KCNT1: variants seen among roughly 807,000 people sequenced by gnomAD.
KCNT1 encodes the protein potassium channel subfamily T member 1.
In KCNT1, 78 loss-of-function variants were observed where a neutral mutation model predicts 147.8. The ratio of observed to expected loss-of-function variants is 0.53; its 90% CI spans 0.44 to 0.64. The LOEUF (loss-of-function observed/expected upper bound fraction) is 0.64, where lower values mean the gene tolerates loss of function less well. Among genes scored for constraint, KCNT1 ranks in the 30% least tolerant of loss-of-function variants. The pLI is 0.00. For missense variants in KCNT1, 1,419 were observed against 1,750.3 expected, an observed-to-expected ratio of 0.81 and a Z score of 3.38; for synonymous variants, 867 against 748.8, an observed-to-expected ratio of 1.16 and a Z score of -2.58.
Position 135,702,240 on chromosome 9 carries a change from GT to G in KCNT1, c.-18del. 6.3e-7 allele frequency: 1 copy of G among 1,589,936 alleles called. No homozygotes were observed. Among genetic ancestry groups the G allele is most frequent in the Non-Finnish European group, 8.6e-7 (1 of 1,161,154 alleles). Reference sequence around the variant, plus strand: ...CCCACTCGCTTCTCCCTCGGGTCGGGTCCGAGCTGCCAGGCCGCATGCCACT... The same window carrying G: ...CCCACTCGCTTCTCCCTCGGGTCGGGCCGAGCTGCCAGGCCGCATGCCACT... On this transcript the variant is annotated 5_prime_UTR_variant, in exon 1 of 31. Transcript: ENST00000371757.
chr9:135,764,334 C>T (rs1832111130), intron 11 of KCNT1, among the ~76,000 whole-genome samples: 1 of 152,136 alleles, frequency 6.6e-6, no homozygotes. Context: ...TGGTGATGCA[C>T]CTAGAATCCC....
intron 19 of KCNT1, among the ~76,000 whole-genome samples, chr9:135,774,960 G>A (rs935165751): frequency 9.2e-5 from 14 of 152,100 alleles, no homozygotes; most frequent in Non-Finnish European, 1.5e-4. Context: ...CCCAGCCCTG[G>A]CCTTGCAGCC....
chr9:135,736,889 A>AG (rs919001402), intron 2 of KCNT1: 2 of 280,594 alleles, frequency 7.1e-6, no homozygotes, highest in East Asian at 5.4e-5. Context: ...AGCCCGGGGA[A>AG]GGGGGGAGGC....
chr9:135,766,839 T>G (rs1294226615), intron 13 of KCNT1: 1 of 152,204 alleles, frequency 6.6e-6, no homozygotes, highest in African/African-American at 2.4e-5. Context: ...GAGCTCCACC[T>G]TCCCCTGCTC....
In KCNT1 at chr9:135,757,218, C is replaced by T. The variant is rs1207683087; in HGVS notation, c.663C>T (p.Pro221=). The change falls in exon 8 of 31, where the codon CCC becomes CCT. Residue 221 remains proline, a synonymous_variant. Coordinates refer to ENST00000371757, the MANE Select transcript of KCNT1 (RefSeq NM_020822.3). ...TCCTGGAGATGATCAACACTCTGCC[C>T]TTCATCATCACGGTGGGTGAGCCCC... is the stretch of plus-strand genomic sequence containing the variant. The part of the protein sequence containing the change: ...SFVLEMINTL[P]FIITIFWPPL... 2 of 1,612,782 alleles carry T rather than the reference C, an allele frequency of 1.2e-6. No homozygotes were observed. The highest frequency in any genetic ancestry group is 1.7e-5 in the Admixed American group (1 of 59,964).
At chr9:135,718,230 C>T (rs964998327) in intron 2 of KCNT1, among the ~76,000 whole-genome samples, 1 of 152,224 alleles carries the variant, frequency 6.6e-6, no homozygotes, top group Non-Finnish European at 1.5e-5. Flanking sequence ...TCTGCCTGGC[C>T]TGGTGGGACC....
At chr9:135,765,243 A>G (rs1173523023) in intron 12 of KCNT1, 48 bp downstream of exon 12, 16 of 1,558,366 alleles carry the variant, frequency 1.0e-5, no homozygotes, top group Admixed American at 1.7e-5. Flanking sequence ...CCCGGCCCCT[A>G]GAGACGCCAT....
intron 1 of KCNT1, among the ~76,000 whole-genome samples, chr9:135,707,031 T>C (rs945561426): frequency 6.6e-6 from 1 of 151,148 alleles, no homozygotes; most frequent in Non-Finnish European, 1.5e-5. Context: ...ATGCCTGTGA[T>C]CTCGGTGCTT....
chr9:135,742,705 G>A, intron 2 of KCNT1: 1 of 716,626 alleles, frequency 1.4e-6, no homozygotes, highest in South Asian at 1.5e-5. Context: ...CCGTCTATCT[G>A]TCTGCTGCCT....
At position 135,778,787 on chromosome 9, in the gene KCNT1, C is replaced by T. The variant is rs369904278; in HGVS notation, c.2694C>T (p.Asp898=). The change falls in exon 23 of 31, where the codon GAC becomes GAT. Residue 898 remains aspartate (D), a synonymous_variant. Transcript: ENST00000371757. ...TMSAEEDYMA[D]AKTIVNVQTM... ...GCGCCGAGGAGGACTACATGGCGGA[C>T]GCCAAGACCATCGTCAACGTGCAGA... 2.4e-5 allele frequency: 39 copies of T among 1,613,852 alleles called. No homozygotes were observed. The highest frequency in any genetic ancestry group is 7.7e-5 in the South Asian group (7 of 91,086).
intron 19 of KCNT1, among the ~76,000 whole-genome samples, chr9:135,775,014 C>T (rs1833064405): frequency 6.6e-6 from 1 of 152,296 alleles, no homozygotes; most frequent in South Asian, 2.1e-4. Flanking sequence ...AGGTTCGGCA[C>T]CTGCATGGGT....
intron 13 of KCNT1, among the ~76,000 whole-genome samples, chr9:135,767,963 C>T (rs1832403093): frequency 7.0e-6 from 1 of 142,318 alleles, no homozygotes; most frequent in African/African-American, 2.6e-5. Context: ...GACCCCCTGC[C>T]CCCACCCGCT....
Position 135,752,345 on chromosome 9 carries a change from C to A in KCNT1, c.434+1304C>A. The A allele has an allele frequency of 2.2e-6, 1 of 456,426 alleles. No individual in the cohort carries two copies. Among genetic ancestry groups the A allele is most frequent in the Non-Finnish European group, 4.4e-6 (1 of 226,860 alleles). The allele number at this position is 456,426 out of a possible 1,614,324, so 28.3% of individuals were successfully genotyped here. ...GGCATCCCCAGGCCAGAGACTTTCC[C>A]TCTCCTAAGAATGAACCTCCTGTCT... On this transcript the variant is annotated intron_variant, in intron 4 of 30. Coordinates refer to ENST00000371757, the MANE Select transcript of KCNT1 (RefSeq NM_020822.3). The surrounding 1 kb of genome is among the most constrained non-coding windows in gnomAD (Gnocchi z 5.1).
intron 21 of KCNT1, among the ~76,000 whole-genome samples, 170 bp downstream of exon 21, chr9:135,777,680 C>T (rs1833268235): frequency 6.6e-6 from 1 of 152,110 alleles, no homozygotes; most frequent in East Asian, 1.9e-4. Context: ...TTCCTGCTCC[C>T]AACTCCTCCT....
At chr9:135,764,466 AAG>A (rs1491544585) in intron 11 of KCNT1, among the ~76,000 whole-genome samples, 1 of 152,180 alleles carries the variant, frequency 6.6e-6, no homozygotes, top group Non-Finnish European at 1.5e-5. Flanking sequence ...TCTCAAAAAA[AAG>A]AAAAGCCAAA....
Position 135,792,210 on chromosome 9 carries a change from G to A in KCNT1, c.*49G>A. ...CCACCAAGCCCGGGGTCCTCAGGAA[G>A]GACGTGGAGGAGCGTGTGAGGACAC... On this transcript the variant is annotated 3_prime_UTR_variant, in exon 31 of 31. Transcript: ENST00000371757. 2 of 1,577,066 alleles carry A rather than the reference G, an allele frequency of 1.3e-6. No individual in the cohort carries two copies. Among genetic ancestry groups the A allele is most frequent in the Non-Finnish European group, 1.7e-6 (2 of 1,164,472 alleles).
Position 135,770,301 on chromosome 9 carries a change from G to A in KCNT1, c.1623G>A (p.Glu541=), listed in dbSNP as rs758644634. The part of the protein sequence containing the change: ...TLLVHTSRGQ[E]GQESPEQWQR... ...CTGGCCCCGCCCTGGCCCACAGGGAGGGACAGGAGTCTCCGGAGCAGTGGC... is the reference window on the plus strand; with the variant it reads ...CTGGCCCCGCCCTGGCCCACAGGGAAGGACAGGAGTCTCCGGAGCAGTGGC... Residue 541 remains glutamate, a synonymous_variant, in exon 17 of 31, where the codon GAG becomes GAA. Coordinates refer to ENST00000371757, the MANE Select transcript of KCNT1 (RefSeq NM_020822.3). 2.7e-5 allele frequency: 43 copies of A among 1,593,312 alleles called. No individual in the cohort carries two copies. The highest frequency in any genetic ancestry group is 8.6e-7 in the Non-Finnish European group (1 of 1,168,274).
chr9:135,769,202 A>AGGGCGCGTGTGTACACGTGGGTGACG (rs1564368499), intron 15 of KCNT1, among the ~76,000 whole-genome samples: 2 of 69,324 alleles, frequency 2.9e-5, no homozygotes, highest in Admixed American at 1.5e-4. Context: ...CGTGGGTGAC[A>AGGGCGCGTGTGTACACGTGGGTGACG]GTGCATCTGG....
rs541169716 is a variant in KCNT1, at chr9:135,777,141, G to A, written c.2350-197G>A. Among the ~76,000 whole-genome samples, 53 of 152,302 alleles carry A rather than the reference G, an allele frequency of 3.5e-4. 1 individual carries two copies. Among genetic ancestry groups the A allele is most frequent in the African/African-American group, 1.2e-3 (50 of 41,558 alleles). On this transcript the variant is annotated intron_variant, in intron 20 of 30. Transcript: ENST00000371757. ...ACCCCTGACATGACTGCTCTGTGCCGCCTGTGGGTACAGCTGTGGCATCTG... is the reference window on the plus strand; with the variant it reads ...ACCCCTGACATGACTGCTCTGTGCCACCTGTGGGTACAGCTGTGGCATCTG...
Sources: gnomAD v4.1 joint callset for allele counts (sites outside exome capture counted in the v4.1 genomes callset) on GRCh38, gnomAD v4.1.1 for gene constraint, Gnocchi (gnomAD v3.1) non-coding constraint, MANE v1.5 for transcripts, NCBI Gene and HGNC (gene_info 2026-07-23, HGNC 2026-07-21) for gene names.